Variants in CNNM2 observed in about 807,000 individuals in gnomAD.
CNNM2 encodes the protein cyclin and CBS domain divalent metal cation transport mediator 2.
In CNNM2, 12 loss-of-function variants were observed where a neutral mutation model predicts 66.9. That is an observed-to-expected ratio of 0.18 (90% CI 0.11 to 0.29). The LOEUF (loss-of-function observed/expected upper bound fraction) is 0.29, where lower values mean the gene tolerates loss of function less well. Among genes scored for constraint, CNNM2 ranks in the 10% least tolerant of loss-of-function variants. The pLI is 1.00. For missense variants in CNNM2, 705 were observed against 1,167.7 expected (o/e 0.60, Z 5.77); for synonymous variants, 557 against 501.8 (o/e 1.11, Z -1.47).
Position 103,086,050 on chromosome 10 carries a change from G to C in CNNM2, c.*8870G>C, listed in dbSNP as rs985743717. 3 of 152,436 alleles carry C rather than the reference G, an allele frequency of 2.0e-5. No individual in the cohort carries two copies. The highest frequency in any genetic ancestry group is 7.2e-5 in the African/African-American group (3 of 41,428). 9.4% of individuals were successfully genotyped at this position (152,436 alleles called of 1,614,324 possible). On this transcript the variant is annotated 3_prime_UTR_variant, in exon 8 of 8. Coordinates refer to ENST00000369878, the MANE Select transcript of CNNM2 (RefSeq NM_017649.5). ...ACGGGAGGTGCGTGACGGGGCAGCG[G>C]GGGTTTCTGGAAGTCACCTGTTTCT...
Position 103,018,686 on chromosome 10 carries a change from C to CTTTTTTTTTTTT in CNNM2, c.1622-31011_1622-31000dup, listed in dbSNP as rs370000130. On this transcript the variant is annotated intron_variant, in intron 1 of 7. Coordinates refer to ENST00000369878, the MANE Select transcript of CNNM2 (RefSeq NM_017649.5). The stretch of plus-strand genomic sequence containing the variant: ...AGCAAGGTAAATATACTCTTCTTTC[C>CTTTTTTTTTTTT]TTTTTTTTTTTTTTTTTTTTTGAGA... Among the ~76,000 whole-genome samples the CTTTTTTTTTTTT allele has an allele frequency of 1.5e-4, 17 of 116,270 alleles. 2 individuals are homozygous for CTTTTTTTTTTTT. Among genetic ancestry groups the CTTTTTTTTTTTT allele is most frequent in the South Asian group, 1.2e-3 (4 of 3,468 alleles). The allele number at this position is 116,270 out of a possible 152,430, so 76.3% of individuals were successfully genotyped here.
chr10:103,076,350 G>A (rs2065690732), intron 7 of CNNM2, 80 bp downstream of exon 7: 2 of 1,390,130 alleles, frequency 1.4e-6, no homozygotes, highest in South Asian at 2.6e-5. Context: ...TTTGCTCCTT[G>A]CCCTCCTCAG....
chr10:102,926,847 C>G (rs1845884072), intron 1 of CNNM2, among the ~76,000 whole-genome samples: 1 of 151,430 alleles, frequency 6.6e-6, no homozygotes, highest in South Asian at 2.1e-4. Flanking sequence ...TCCCGAGAAG[C>G]TGGGATTACA....
In CNNM2 at chr10:102,918,595, G is replaced by C; in HGVS notation, c.115G>C (p.Gly39Arg). 1.9e-6 allele frequency: 3 copies of C among 1,565,588 alleles called. No individual in the cohort carries two copies. The highest frequency in any genetic ancestry group is 2.6e-6 in the Non-Finnish European group (3 of 1,158,958). The change falls in exon 1 of 8, where the codon GGG (glycine) becomes CGG (arginine). Residue 39 changes from glycine (G) to arginine (R), a missense_variant. By Grantham distance (125) the Gly-to-Arg change is moderately radical. Around this residue, in one of 9 missense-constraint regions of CNNM2, gnomAD observed 98 missense variants for 73.6 expected, o/e 1.33. Transcript: ENST00000369878. The surrounding 1 kb of genome is among the most constrained non-coding windows in gnomAD (Gnocchi z 4.1). ...CCGCAGCCTCAGCGCTCGCGGCCGG[G>C]GGATCCTGCAGGCGGCTGCGGGGCG... Reference protein sequence around the residue: ...ARRSLSARGRGILQAAAGRLL... With the variant: ...ARRSLSARGRRILQAAAGRLL...
chr10:103,002,875 C>T (rs898022119), intron 1 of CNNM2, among the ~76,000 whole-genome samples: 4 of 152,106 alleles, frequency 2.6e-5, no homozygotes, highest in Non-Finnish European at 5.9e-5. Context: ...ATAGATTTAC[C>T]ATATGACCCT....
chr10:103,034,081 TTATC>T (rs2064882566), intron 1 of CNNM2, among the ~76,000 whole-genome samples: 1 of 152,080 alleles, frequency 6.6e-6, no homozygotes, highest in Admixed American at 6.6e-5. Context: ...GGATAAGAAT[TTATC>T]TAGATGATTA....
At chr10:102,970,375 T>G (rs775819813) in intron 1 of CNNM2, among the ~76,000 whole-genome samples, 34 of 152,110 alleles carry the variant, frequency 2.2e-4, no homozygotes, top group Non-Finnish European at 4.6e-4. Context: ...ATAAATAAAT[T>G]TTGATTGGAA....
rs957678037 is a variant in CNNM2, at chr10:103,009,871, T to C, written c.1622-39836T>C. Among the ~76,000 whole-genome samples, 4 of 152,188 alleles carry C rather than the reference T, an allele frequency of 2.6e-5. No individual in the cohort carries two copies. In the South Asian group the frequency reaches 8.3e-4, roughly 32 times the overall value. ...ATTGCTGTTCCTCTTAAGGTATTTA[T>C]ATTAGTACAGCACACCTGCATCAGA... On this transcript the variant is annotated intron_variant, in intron 1 of 7. Coordinates refer to ENST00000369878, the MANE Select transcript of CNNM2 (RefSeq NM_017649.5).
chr10:103,033,767 G>C (rs1220509867), intron 1 of CNNM2, among the ~76,000 whole-genome samples: 2 of 152,196 alleles, frequency 1.3e-5, no homozygotes, highest in Non-Finnish European at 2.9e-5. Context: ...TTACAGGCGT[G>C]AGCCACCGTG....
chr10:103,039,932 C>G (rs1327517099), intron 1 of CNNM2, among the ~76,000 whole-genome samples: 1 of 152,070 alleles, frequency 6.6e-6, no homozygotes, highest in Non-Finnish European at 1.5e-5. Flanking sequence ...TCTGGGAGGC[C>G]AAGAAGGGTG....
At chr10:103,024,777 C>T (rs1472430400) in intron 1 of CNNM2, among the ~76,000 whole-genome samples, 5 of 151,856 alleles carry the variant, frequency 3.3e-5, no homozygotes, top group South Asian at 4.2e-4. Context: ...CGCACCCGGC[C>T]GATATTGGCT....
chr10:103,065,772 A>C (rs2065466958), intron 4 of CNNM2, among the ~76,000 whole-genome samples: 1 of 152,214 alleles, frequency 6.6e-6, no homozygotes, highest in South Asian at 2.1e-4. Flanking sequence ...CAAAGCAGAC[A>C]TTTGCAGCCA....
intron 1 of CNNM2, chr10:102,927,240 G>GA: frequency 1.4e-6 from 2 of 1,437,810 alleles, no homozygotes; most frequent in Non-Finnish European, 9.6e-7. Flanking sequence ...AGATTTGCTT[G>GA]ACATATAAAG....
Position 103,071,846 on chromosome 10 carries a change from C to T in CNNM2, c.2233+7C>T, listed in dbSNP as rs1218752616. On this transcript the variant is annotated splice_region_variant and intron_variant, in intron 6 of 7. Coordinates refer to ENST00000369878, the MANE Select transcript of CNNM2 (RefSeq NM_017649.5). Reference sequence around the variant, plus strand: ...TTAGCAGCAGGTTCTCCAGGTAATTCTGCATGCTTCCTTTCCGTAATTCTC... The same window carrying T: ...TTAGCAGCAGGTTCTCCAGGTAATTTTGCATGCTTCCTTTCCGTAATTCTC... 1.2e-6 allele frequency: 2 copies of T among 1,612,962 alleles called. No individual in the cohort carries two copies. Among genetic ancestry groups the T allele is most frequent in the Non-Finnish European group, 1.7e-6 (2 of 1,179,058 alleles).
In CNNM2 at chr10:102,953,356, A is replaced by C. The variant is rs11191474; in HGVS notation, c.1621+33255A>C. ...GCTGCAACCTCTGCCTCCTGGGTTC[A>C]AGCAGTTCTCCTGCCTCAGCCTCCT... is the stretch of plus-strand genomic sequence containing the variant. On this transcript the variant is annotated intron_variant, in intron 1 of 7. Coordinates refer to ENST00000369878, the MANE Select transcript of CNNM2 (RefSeq NM_017649.5). Among the ~76,000 whole-genome samples, 14,406 of 152,030 alleles carry C rather than the reference A, an allele frequency of 0.095. 884 individuals are homozygous for C. The highest frequency in any genetic ancestry group is 0.28 in the East Asian group (1,437 of 5,160).
Position 103,088,810 on chromosome 10 carries a change from C to CT in CNNM2, c.*11632dup, listed in dbSNP as rs1451693744. 16 of 189,400 alleles carry CT rather than the reference C, an allele frequency of 8.4e-5. No individual in the cohort carries two copies. The highest frequency in any genetic ancestry group is 1.7e-4 in the Non-Finnish European group (15 of 90,132). 11.7% of individuals were successfully genotyped at this position (189,400 alleles called of 1,614,324 possible). ...CAATTTTAATATACAGCAATCAACT[C>CT]TTAGAGGACAAAGAAATCTGGAATT... On this transcript the variant is annotated 3_prime_UTR_variant, in exon 8 of 8. Coordinates refer to ENST00000369878, the MANE Select transcript of CNNM2 (RefSeq NM_017649.5).
chr10:102,949,057 A>G (rs1306247875), intron 1 of CNNM2, among the ~76,000 whole-genome samples: 1 of 152,188 alleles, frequency 6.6e-6, no homozygotes, highest in Non-Finnish European at 1.5e-5. Flanking sequence ...TGGAGAACTT[A>G]GGTATTCTCT....
At chr10:102,958,401 C>T (rs996493069) in intron 1 of CNNM2, among the ~76,000 whole-genome samples, 9 of 150,302 alleles carry the variant, frequency 6.0e-5, no homozygotes, top group South Asian at 2.1e-4. Flanking sequence ...TAAAACCATC[C>T]TCTTTTCCAA....
At chr10:102,991,056 G>A (rs1442648901) in intron 1 of CNNM2, among the ~76,000 whole-genome samples, 3 of 152,048 alleles carry the variant, frequency 2.0e-5, no homozygotes, top group Admixed American at 6.6e-5. Flanking sequence ...GTGCGATCTC[G>A]GCACACTGCA....
Sources: allele counts gnomAD v4.1 joint callset (sites outside exome capture counted in the v4.1 genomes callset), GRCh38; gene constraint gnomAD v4.1.1; regional missense constraint gnomAD v4.1.1; non-coding constraint Gnocchi (gnomAD v3.1); transcripts MANE v1.5; gene names NCBI Gene and HGNC (gene_info 2026-07-23, HGNC 2026-07-21).